Variants in P3H2 observed in about 807,000 individuals in gnomAD.
P3H2 encodes leprecan-like 1.
In P3H2, 80 loss-of-function variants were observed where a neutral mutation model predicts 87.0. The ratio of observed to expected loss-of-function variants is 0.92; its 90% CI spans 0.77 to 1.11. The LOEUF (loss-of-function observed/expected upper bound fraction) is 1.11. Ranked by LOEUF, P3H2 falls within the 50% of genes least tolerant of loss-of-function variation. The pLI, the probability that P3H2 is intolerant of heterozygous loss-of-function variation, is 0.00. For missense variants in P3H2, 1,001 were observed against 923.9 expected, an observed-to-expected ratio of 1.08 and a Z score of -1.08; for synonymous variants, 367 against 359.3, an observed-to-expected ratio of 1.02 and a Z score of -0.24.
chr3:190,043,903 G>A (rs1353752622), intron 1 of P3H2, among the ~76,000 whole-genome samples: 1 of 152,128 alleles, frequency 6.6e-6, no homozygotes, highest in East Asian at 1.9e-4. Flanking sequence ...TTAAAATCAT[G>A]CTTTTATTAC....
intron 1 of P3H2, among the ~76,000 whole-genome samples, chr3:190,083,099 G>C (rs1727105292): frequency 6.6e-6 from 1 of 152,068 alleles, no homozygotes; most frequent in Admixed American, 6.6e-5. Context: ...TGGTGTCCAG[G>C]TCTTTCTCTT....
At chr3:190,084,573 G>T (rs1466553140) in intron 1 of P3H2, among the ~76,000 whole-genome samples, 1 of 152,118 alleles carries the variant, frequency 6.6e-6, no homozygotes, top group Non-Finnish European at 1.5e-5. Flanking sequence ...AATCACAGGT[G>T]CTGAATCTGA....
At chr3:189,988,648 T>G (rs1388318648) in intron 4 of P3H2, among the ~76,000 whole-genome samples, 1 of 152,120 alleles carries the variant, frequency 6.6e-6, no homozygotes. Context: ...CTAAAAAAAT[T>G]AAGTCTAAAA....
intron 1 of P3H2, among the ~76,000 whole-genome samples, chr3:190,045,232 G>A (rs375085862): frequency 5.3e-4 from 81 of 152,292 alleles, no homozygotes; most frequent in African/African-American, 1.9e-3. Context: ...GATCATCTAA[G>A]CCATTGTAGG....
Position 189,971,193 on chromosome 3 carries a change from C to T in P3H2, c.1818-302G>A, listed in dbSNP as rs577084743. On this transcript the variant is annotated intron_variant, in intron 12 of 14. Transcript: ENST00000319332. Reference sequence around the variant, plus strand: ...TTTTAATTTAATCTAGCCCTTTGAACGTGCCCACCCTAATTACAACTCTCT... The same window carrying T: ...TTTTAATTTAATCTAGCCCTTTGAATGTGCCCACCCTAATTACAACTCTCT... Among the ~76,000 whole-genome samples, 75 of 152,330 alleles carry T rather than the reference C, an allele frequency of 4.9e-4. No individual in the cohort carries two copies. The Middle Eastern group carries it at 0.024, about 48-fold the overall frequency.
chr3:189,973,969 T>C lies in P3H2; in HGVS notation c.1488A>G (p.Lys496=). The C allele has an allele frequency of 6.2e-7, 1 of 1,614,076 alleles. No homozygotes were observed. The highest frequency in any genetic ancestry group is 8.5e-7 in the Non-Finnish European group (1 of 1,179,986). Residue 496 remains lysine, a synonymous_variant, in exon 10 of 15, where the codon AAA becomes AAG. Transcript: ENST00000319332. ...IMLVGDGYRG[K]TSPHTPNEKF... ...TTTCATTGGGTGTATGGGGTGAAGTTTTTCCTCTGTATCCATCACCAACAA... is the reference window on the plus strand; with the variant it reads ...TTTCATTGGGTGTATGGGGTGAAGTCTTTCCTCTGTATCCATCACCAACAA...
intron 1 of P3H2, among the ~76,000 whole-genome samples, chr3:190,054,559 T>C (rs1190354792): frequency 5.3e-5 from 8 of 152,204 alleles, no homozygotes; most frequent in African/African-American, 9.7e-5. Flanking sequence ...GAAGCTTTGA[T>C]TGGACCTCTA....
chr3:189,986,035 A>T (rs569440243), intron 6 of P3H2, among the ~76,000 whole-genome samples: 234 of 152,332 alleles, frequency 1.5e-3, no homozygotes, highest in African/African-American at 5.6e-3. Flanking sequence ...AGAAGACAAC[A>T]TGGAAAAGCG....
At chr3:190,074,211 A>G (rs138098498) in intron 1 of P3H2, among the ~76,000 whole-genome samples, 266 of 152,284 alleles carry the variant, frequency 1.7e-3, no homozygotes, top group African/African-American at 5.9e-3. Context: ...ATTTAAATCT[A>G]GAATACTATG....
intron 1 of P3H2, among the ~76,000 whole-genome samples, chr3:190,002,631 T>G (rs1724252750): frequency 6.6e-6 from 1 of 152,136 alleles, no homozygotes; most frequent in South Asian, 2.1e-4. Context: ...GAACTCCTGA[T>G]CTCGTGATCC....
At chr3:190,098,002 T>C (rs1026762177) in intron 1 of P3H2, among the ~76,000 whole-genome samples, 8 of 152,162 alleles carry the variant, frequency 5.3e-5, no homozygotes, top group Admixed American at 2.0e-4. Context: ...GATATTGTCA[T>C]TGTTAAAGTA....
chr3:190,119,010 C>G (rs955293618), intron 1 of P3H2, among the ~76,000 whole-genome samples: 1 of 151,456 alleles, frequency 6.6e-6, no homozygotes, highest in Non-Finnish European at 1.5e-5. Flanking sequence ...GAGGCTGAGG[C>G]AGGAGAATCG....
chr3:190,075,444 C>G (rs1050625973), intron 1 of P3H2, among the ~76,000 whole-genome samples: 4 of 149,168 alleles, frequency 2.7e-5, no homozygotes, highest in African/African-American at 9.9e-5. Context: ...AAGATTGCAC[C>G]ATTGCACTCC....
chr3:190,120,373 T>A lies in P3H2; in HGVS notation c.359A>T (p.Tyr120Phe). The A allele has an allele frequency of 6.5e-7, 1 of 1,548,150 alleles. No individual in the cohort carries two copies. Among genetic ancestry groups the A allele is most frequent in the Non-Finnish European group, 8.7e-7 (1 of 1,152,242 alleles). ...GAGGCGCTGGGTCTCACAGCTGCGA[T>A]AACAGCGCGCCCGCCCCAACAAGGA... is the stretch of plus-strand genomic sequence containing the variant. ...FRSLLGRARC[Y>F]RSCETQRLGG... is the part of the protein sequence containing the mutation. The change falls in exon 1 of 15, where the codon TAT (tyrosine) becomes TTT (phenylalanine). Residue 120 changes from tyrosine to phenylalanine, a missense_variant. Tyr to Phe is a conservative substitution (Grantham distance 22). Transcript: ENST00000319332.
chr3:190,016,171 C>A (rs1443757579), intron 1 of P3H2, among the ~76,000 whole-genome samples: 3 of 152,142 alleles, frequency 2.0e-5, no homozygotes, highest in Admixed American at 6.5e-5. Flanking sequence ...GTGATAAATC[C>A]TAATTTGTTT....
rs113055994 is a variant in P3H2, at chr3:189,957,287, T to C, written c.*625A>G. 1.9e-4 allele frequency: 75 copies of C among 399,728 alleles called. No homozygotes were observed. Among genetic ancestry groups the C allele is most frequent in the Non-Finnish European group, 5.3e-5 (12 of 227,144 alleles). The allele number at this position is 399,728 out of a possible 1,614,324, so 24.8% of individuals were successfully genotyped here. A position where few individuals can be genotyped will look rare whatever the true frequency, so the allele number is the denominator to read the frequency against. On this transcript the variant is annotated 3_prime_UTR_variant, in exon 15 of 15. Transcript: ENST00000319332. ...TTTGGAGAGTCGGAGCTCATGGCCG[T>C]TAGCACCTAAGGATGTGGCTGAAAG...
upstream of P3H2, chr3:190,121,387 G>C (rs1391202428): frequency 6.6e-6 from 1 of 151,778 alleles, no homozygotes; most frequent in Admixed American, 6.6e-5. Context: ...AAAACCCATA[G>C]AGGCCCTGTA....
rs541135359 is a variant in P3H2, at chr3:190,045,848, A to G, written c.481-50406T>C. Among the ~76,000 whole-genome samples the G allele has an allele frequency of 1.3e-3, 193 of 152,168 alleles. 2 individuals are homozygous for G. The highest frequency in any genetic ancestry group is 6.0e-3 in the South Asian group (29 of 4,818). ...TTAAGAGTTCAAACCTAGGCCGGGC[A>G]CGGTGGCTCACACCTGTAATCCCAG... On this transcript the variant is annotated intron_variant, in intron 1 of 14. Coordinates refer to ENST00000319332, the MANE Select transcript of P3H2 (RefSeq NM_018192.4).
chr3:190,028,864 A>G (rs1237401763), intron 1 of P3H2, among the ~76,000 whole-genome samples: 1 of 152,146 alleles, frequency 6.6e-6, no homozygotes, highest in Non-Finnish European at 1.5e-5. Context: ...CATTCCTTAA[A>G]AGCCCCAAAC....
Sources: allele counts gnomAD v4.1 joint callset (sites outside exome capture counted in the v4.1 genomes callset), GRCh38; gene constraint gnomAD v4.1.1; transcripts MANE v1.5; gene names NCBI Gene and HGNC (gene_info 2026-07-23, HGNC 2026-07-21).